The following WDFY4 variants were observed in gnomAD, a reference collection of about 807,000 sequenced individuals.
The protein encoded by WDFY4 is WDFY family member 4.
A neutral mutation model predicts 351.9 loss-of-function variants in WDFY4; 169 were observed. That is an observed-to-expected ratio of 0.48 (90% CI 0.42 to 0.55). The LOEUF (loss-of-function observed/expected upper bound fraction) is 0.55. WDFY4 is among the 20% of genes least tolerant of loss of function. The pLI, the probability that WDFY4 is intolerant of heterozygous loss-of-function variation, is 0.00. For synonymous variants in WDFY4, 1,622 were observed against 1,574.6 expected (o/e 1.03, Z -0.71); for missense variants, 3,803 against 3,935.6 (o/e 0.97, Z 0.90).
intron 4 of WDFY4, among the ~76,000 whole-genome samples, 184 bp downstream of exon 4, chr10:48,721,551 C>T (rs1405070301): frequency 6.6e-6 from 1 of 152,214 alleles, no homozygotes; most frequent in African/African-American, 2.4e-5. Context: ...TTCCCACCTT[C>T]CCAGTTGACA....
chr10:48,895,631 C>T (rs1837038435), intron 44 of WDFY4, among the ~76,000 whole-genome samples: 3 of 152,208 alleles, frequency 2.0e-5, no homozygotes, highest in Admixed American at 2.0e-4. Flanking sequence ...TTCTGAAGCT[C>T]CCATGTGTCC....
intron 11 of WDFY4, among the ~76,000 whole-genome samples, chr10:48,737,584 G>A (rs1287114037): frequency 6.6e-6 from 1 of 152,226 alleles, no homozygotes; most frequent in Non-Finnish European, 1.5e-5. Context: ...GCATTGCGTG[G>A]TCCATCCAAA....
intron 45 of WDFY4, 127 bp downstream of exon 45, chr10:48,897,701 C>A: frequency 7.2e-7 from 1 of 1,390,590 alleles, no homozygotes; most frequent in East Asian, 2.5e-5. Context: ...GCCCAGTGCC[C>A]TTAAGGAGAC....
chr10:48,960,563 T>G (rs1019506519), intron 53 of WDFY4, among the ~76,000 whole-genome samples: 1 of 152,242 alleles, frequency 6.6e-6, no homozygotes, highest in Admixed American at 6.5e-5. Flanking sequence ...GCATTTTCCC[T>G]TGTAGATATT....
rs181245200 is a variant in WDFY4 at position 48,824,001 on chromosome 10, G to A, written c.5982+1464G>A. 344 of 985,384 alleles carry A rather than the reference G, an allele frequency of 3.5e-4. 2 individuals carry two copies. The highest frequency in any genetic ancestry group is 3.4e-3 in the East Asian group (30 of 8,818). The allele number at this position is 985,384 out of a possible 1,614,324, so 61.0% of individuals were successfully genotyped here. A position where few individuals can be genotyped will look rare whatever the true frequency, so the allele number is the denominator to read the frequency against. ...GCCTATAACAAATTCATTTTCTATC[G>A]GACTGAAAAACTTTGTGCATACTCT... On this transcript the variant is annotated intron_variant, in intron 35 of 61. Coordinates refer to ENST00000325239, the MANE Select transcript of WDFY4 (RefSeq NM_001394531.1).
chr10:48,762,783 A>G (rs1783187556), intron 13 of WDFY4, among the ~76,000 whole-genome samples: 1 of 152,214 alleles, frequency 6.6e-6, no homozygotes, highest in Admixed American at 6.5e-5. Context: ...CAGGGCACAC[A>G]GTGGCTCCGG....
chr10:48,908,725 A>G (rs1837760436), intron 47 of WDFY4, among the ~76,000 whole-genome samples: 1 of 152,106 alleles, frequency 6.6e-6, no homozygotes, highest in Non-Finnish European at 1.5e-5. Flanking sequence ...CCCCTCTACC[A>G]TGGTTACATT....
At chr10:48,696,283 C>T (rs2063327683) in intron 1 of WDFY4, among the ~76,000 whole-genome samples, 1 of 152,208 alleles carries the variant, frequency 6.6e-6, no homozygotes, top group African/African-American at 2.4e-5. Context: ...CCTGGCACTC[C>T]CTTGAGGAGG....
intron 47 of WDFY4, among the ~76,000 whole-genome samples, chr10:48,928,515 C>T (rs529719752): frequency 1.8e-4 from 27 of 152,234 alleles, no homozygotes; most frequent in African/African-American, 6.0e-4. Flanking sequence ...TGCAGCCTAG[C>T]GTCCTTATGG....
chr10:48,827,328 A>G (rs2068040994), intron 36 of WDFY4, among the ~76,000 whole-genome samples: 1 of 151,874 alleles, frequency 6.6e-6, no homozygotes, highest in Admixed American at 6.6e-5. Flanking sequence ...TTTCAGGAAA[A>G]AAATTACATA....
chr10:48,832,589 A>T lies in WDFY4; in HGVS notation c.6543A>T (p.Ser2181=). Residue 2181 remains serine, a synonymous_variant, in exon 39 of 62, where the codon TCA becomes TCT. Coordinates refer to ENST00000325239, the MANE Select transcript of WDFY4 (RefSeq NM_001394531.1). The stretch of plus-strand genomic sequence containing the variant: ...TTCCCTCAGCATCTGAGAAGAAGTC[A>T]CTGGCAAGTCGTTCAAATGTTGCAC... ...WQHYLASEKK[S]LASRSNVAHH... 6.5e-7 allele frequency: 1 copy of T among 1,546,782 alleles called. No individual in the cohort carries two copies. The highest frequency in any genetic ancestry group is 8.7e-7 in the Non-Finnish European group (1 of 1,143,678).
At chr10:48,899,823 C>T (rs1039776878) in intron 45 of WDFY4, among the ~76,000 whole-genome samples, 1 of 152,210 alleles carries the variant, frequency 6.6e-6, no homozygotes, top group East Asian at 1.9e-4. Flanking sequence ...ACCCATGATG[C>T]TGCCCAGCTG....
chr10:48,783,662 A>G (rs2066300304), intron 19 of WDFY4, among the ~76,000 whole-genome samples: 1 of 152,160 alleles, frequency 6.6e-6, no homozygotes, highest in Non-Finnish European at 1.5e-5. Context: ...TTTCAGTTTT[A>G]TCCCTTTAAA....
intron 15 of WDFY4, 38 bp from the exon 16 acceptor site, chr10:48,776,712 G>C (rs1589580605): frequency 1.4e-6 from 2 of 1,422,576 alleles, no homozygotes; most frequent in East Asian, 5.0e-5. Context: ...GAAATGCTTT[G>C]AGCAGAGACA....
At chr10:48,855,823 T>C (rs546547389) in intron 39 of WDFY4, among the ~76,000 whole-genome samples, 5 of 152,238 alleles carry the variant, frequency 3.3e-5, no homozygotes, top group African/African-American at 9.6e-5. Flanking sequence ...AAATAACTTA[T>C]AAGTTTTATA....
chr10:48,898,494 G>A (rs1837201701), intron 45 of WDFY4, among the ~76,000 whole-genome samples: 1 of 152,184 alleles, frequency 6.6e-6, no homozygotes, highest in African/African-American at 2.4e-5. Context: ...GCTTGGCCTA[G>A]ATGAACTAGA....
chr10:48,787,174 C>G (rs941638245), intron 20 of WDFY4, among the ~76,000 whole-genome samples: 1 of 152,132 alleles, frequency 6.6e-6, no homozygotes, highest in African/African-American at 2.4e-5. Flanking sequence ...AATGAAGAAG[C>G]TTTTTAACTA....
At chr10:48,801,465 A>T (rs1331324680) in intron 24 of WDFY4, 1 of 454,664 alleles carries the variant, frequency 2.2e-6, no homozygotes, top group Admixed American at 2.4e-5. Context: ...GCCTTCATGA[A>T]TCAATATCCT....
chr10:48,806,173 G>A, intron 27 of WDFY4, 78 bp downstream of exon 27: 1 of 1,432,114 alleles, frequency 7.0e-7, no homozygotes, highest in East Asian at 2.5e-5. Flanking sequence ...TGTGCAGAGG[G>A]AGGGGCTAAG....
Sources: allele counts gnomAD v4.1 joint callset (sites outside exome capture counted in the v4.1 genomes callset), GRCh38; gene constraint gnomAD v4.1.1; transcripts MANE v1.5; gene names NCBI Gene and HGNC (gene_info 2026-07-23, HGNC 2026-07-21).